The following MYLK variants were observed in gnomAD, a reference collection of about 807,000 sequenced individuals.
The protein encoded by MYLK is myosin light chain kinase.
In MYLK, 106 loss-of-function variants were observed where a neutral mutation model predicts 203.4. That is an observed-to-expected ratio of 0.52 (90% CI 0.45 to 0.61). MYLK has a LOEUF of 0.61. Ranked by LOEUF, MYLK falls within the 20% of genes least tolerant of loss-of-function variation. The pLI is 0.00. For synonymous variants in MYLK, 867 were observed against 959.5 expected (o/e 0.90, Z 1.78); for missense variants, 2,072 against 2,442.3 (o/e 0.85, Z 3.20).
In MYLK at chr3:123,665,697, C is replaced by A. The variant is rs149190585; in HGVS notation, c.3831+522G>T. On this transcript the variant is annotated intron_variant, in intron 22 of 33. Coordinates refer to ENST00000360304, the MANE Select transcript of MYLK (RefSeq NM_053025.4). ...AATTCAAACATTGTTCCATAGGAAC[C>A]ATTATGATAAATTGTAGCTAGATTT... Among the ~76,000 whole-genome samples, 1,093 of 152,310 alleles carry A rather than the reference C, an allele frequency of 7.2e-3. 14 individuals are homozygous for A. The highest frequency in any genetic ancestry group is 0.025 in the African/African-American group (1,045 of 41,552).
intron 29 of MYLK, among the ~76,000 whole-genome samples, chr3:123,632,270 T>C (rs1338567958): frequency 6.6e-6 from 1 of 152,076 alleles, no homozygotes; most frequent in Non-Finnish European, 1.5e-5. Flanking sequence ...ACGTGGCCCA[T>C]GCAAGCCCCA....
intron 13 of MYLK, among the ~76,000 whole-genome samples, chr3:123,713,907 T>C (rs1379378429): frequency 6.6e-6 from 1 of 152,126 alleles, no homozygotes; most frequent in African/African-American, 2.4e-5. Context: ...GGGTTTTAGA[T>C]GATTAGAAAG....
At chr3:123,749,380 C>T (rs559312934) in intron 5 of MYLK, among the ~76,000 whole-genome samples, 12 of 152,284 alleles carry the variant, frequency 7.9e-5, no homozygotes, top group African/African-American at 2.6e-4. Context: ...GCAGGTACCA[C>T]GTCTCTTCCT....
chr3:123,725,508 T>G (rs1217299064), intron 12 of MYLK, among the ~76,000 whole-genome samples: 3 of 152,188 alleles, frequency 2.0e-5, no homozygotes, highest in Non-Finnish European at 2.9e-5. Context: ...GTAAGATCCC[T>G]CATGCGACTT....
intron 2 of MYLK, among the ~76,000 whole-genome samples, chr3:123,847,029 C>T (rs1018279457): frequency 7.2e-5 from 11 of 152,128 alleles, no homozygotes; most frequent in African/African-American, 1.4e-4. Flanking sequence ...TCTGCACCCA[C>T]GGCTTCAACC....
In MYLK at chr3:123,657,119, A is replaced by G; in HGVS notation, c.4288+7T>C. 1 of 1,614,186 alleles carries G rather than the reference A, an allele frequency of 6.2e-7. No individual in the cohort carries two copies. Among genetic ancestry groups the G allele is most frequent in the Non-Finnish European group, 8.5e-7 (1 of 1,180,018 alleles). ...TTCAAGCCACTGATGAAGTGATGGC[A>G]GCCTACCTTCAGGTTTCTCTCCTAC... On this transcript the variant is annotated splice_region_variant and intron_variant, in intron 24 of 33. Coordinates refer to ENST00000360304, the MANE Select transcript of MYLK (RefSeq NM_053025.4).
chr3:123,760,288 C>A (rs2063493518), intron 4 of MYLK, among the ~76,000 whole-genome samples: 1 of 152,220 alleles, frequency 6.6e-6, no homozygotes, highest in Admixed American at 6.5e-5. Flanking sequence ...AAGTGACTCT[C>A]CTGCCTCAGC....
At chr3:123,728,043 G>A (rs747541397) in intron 11 of MYLK, among the ~76,000 whole-genome samples, 1 of 152,182 alleles carries the variant, frequency 6.6e-6, no homozygotes, top group Non-Finnish European at 1.5e-5. Flanking sequence ...AGAAAAGCGA[G>A]TGTCTTCATC....
chr3:123,851,328 C>T (rs28860267), intron 2 of MYLK, among the ~76,000 whole-genome samples: 1,966 of 152,242 alleles, frequency 0.013, 45 homozygotes, highest in African/African-American at 0.045. Flanking sequence ...TATAAATTAC[C>T]TTGGGCAGTA....
chr3:123,668,766 T>C (rs558930618), intron 20 of MYLK, among the ~76,000 whole-genome samples: 1 of 152,264 alleles, frequency 6.6e-6, no homozygotes, highest in South Asian at 2.1e-4. Context: ...ATCCTTCTCA[T>C]CTCGCTTTAT....
chr3:123,782,098 A>G (rs572211670), intron 4 of MYLK, among the ~76,000 whole-genome samples: 2 of 152,302 alleles, frequency 1.3e-5, no homozygotes, highest in African/African-American at 4.8e-5. Flanking sequence ...TCGTGATTTT[A>G]TAAGAAGGAA....
chr3:123,805,720 A>G (rs2065344160), intron 3 of MYLK, among the ~76,000 whole-genome samples: 1 of 152,182 alleles, frequency 6.6e-6, no homozygotes, highest in South Asian at 2.1e-4. Flanking sequence ...TGTTACACAC[A>G]CCTAGACTTG....
intron 2 of MYLK, among the ~76,000 whole-genome samples, chr3:123,865,378 G>T (rs1429709652): frequency 1.3e-5 from 2 of 152,162 alleles, no homozygotes; most frequent in African/African-American, 4.8e-5. Context: ...ACAGCTTTCA[G>T]CAGTGAAGAA....
chr3:123,838,182 G>A (rs1461569021), intron 2 of MYLK, among the ~76,000 whole-genome samples: 2 of 152,110 alleles, frequency 1.3e-5, no homozygotes, highest in African/African-American at 4.8e-5. Flanking sequence ...AAGGCAGACA[G>A]GGTGAGGGAA....
chr3:123,806,734 C>T (rs1303957561), intron 3 of MYLK, among the ~76,000 whole-genome samples: 2 of 152,088 alleles, frequency 1.3e-5, no homozygotes, highest in African/African-American at 4.8e-5. Flanking sequence ...GTGATCTCGG[C>T]TCAATGCAAC....
chr3:123,695,505 G>T (rs1011086918), intron 18 of MYLK, among the ~76,000 whole-genome samples: 3 of 152,198 alleles, frequency 2.0e-5, no homozygotes, highest in African/African-American at 7.2e-5. Context: ...GTAAGAAAAG[G>T]TCACAAACAG....
At chr3:123,781,122 G>A (rs1267737924) in intron 4 of MYLK, among the ~76,000 whole-genome samples, 1 of 152,240 alleles carries the variant, frequency 6.6e-6, no homozygotes, top group Non-Finnish European at 1.5e-5. Context: ...TGGCAACTGG[G>A]AAGAGTGCTG....
chr3:123,676,549 A>G (rs1306414136), intron 20 of MYLK, among the ~76,000 whole-genome samples: 1 of 152,226 alleles, frequency 6.6e-6, no homozygotes, highest in Non-Finnish European at 1.5e-5. Context: ...TTAGAGGCAG[A>G]CACATATGGG....
chr3:123,643,456 A>G (rs1355806539), intron 27 of MYLK, among the ~76,000 whole-genome samples: 2 of 152,210 alleles, frequency 1.3e-5, no homozygotes, highest in Non-Finnish European at 2.9e-5. Flanking sequence ...TATAAATTCA[A>G]ATAGGTTCAA....
Sources: allele counts gnomAD v4.1 joint callset (sites outside exome capture counted in the v4.1 genomes callset), GRCh38; gene constraint gnomAD v4.1.1; transcripts MANE v1.5; gene names NCBI Gene and HGNC (gene_info 2026-07-23, HGNC 2026-07-21).